WDFY3: variants seen among roughly 807,000 people sequenced by gnomAD.
The protein encoded by WDFY3 is WD repeat and FYVE domain-containing protein 3.
A neutral mutation model predicts 409.6 loss-of-function variants in WDFY3; 66 were observed. The observed-to-expected ratio is 0.16, with a 90% confidence interval of 0.13 to 0.20. WDFY3 has a LOEUF of 0.20. WDFY3 is among the 10% of genes least tolerant of loss of function. The probability of loss-of-function intolerance (pLI) is 1.00; values close to 1 mark genes in which losing one functional copy is unlikely to be tolerated. For synonymous variants in WDFY3, 1,521 were observed against 1,537.1 expected, an observed-to-expected ratio of 0.99 and a Z score of 0.25; for missense variants, 3,031 against 4,298.1, an observed-to-expected ratio of 0.71 and a Z score of 8.24.
At position 84,765,994 on chromosome 4, in the gene WDFY3, A is replaced by C. The variant is rs770790930; in HGVS notation, c.5004T>G (p.Phe1668Leu). Residue 1668 changes from phenylalanine (F) to leucine (L), a missense_variant, in exon 32 of 68, where the codon TTT becomes TTG. This residue lies in a region of WDFY3 where 342 missense variants were observed against 463.7 expected (regional missense o/e 0.74). Transcript: ENST00000295888. ...ACEELVKTLG[F>L]DWIMMFMEEH... Reference sequence around the variant, plus strand: ...CCTCCATAAACATCATGATCCAGTCAAAACCCAGTGTCTTCACCAGTTCTT... The same window carrying C: ...CCTCCATAAACATCATGATCCAGTCCAAACCCAGTGTCTTCACCAGTTCTT... 121 of 1,613,926 alleles carry C rather than the reference A, an allele frequency of 7.5e-5. No individual in the cohort carries two copies. The highest frequency in any genetic ancestry group is 9.7e-5 in the Non-Finnish European group (115 of 1,179,958).
intron 1 of WDFY3, chr4:84,965,682 G>C (rs986320084): frequency 1.1e-4 from 16 of 152,266 alleles, no homozygotes; most frequent in East Asian, 3.9e-4. Flanking sequence ...TAGGGCGTAG[G>C]GGGAGAGGCC....
At chr4:84,782,087 A>G (rs1462311735) in intron 25 of WDFY3, among the ~76,000 whole-genome samples, 1 of 152,222 alleles carries the variant, frequency 6.6e-6, no homozygotes, top group South Asian at 2.1e-4. Context: ...CAAAAAAACA[A>G]AAACAAAAAT....
chr4:84,712,086 G>A (rs1732999304), intron 51 of WDFY3, among the ~76,000 whole-genome samples: 1 of 151,808 alleles, frequency 6.6e-6, no homozygotes, highest in African/African-American at 2.4e-5. Flanking sequence ...CGCTTTGAGG[G>A]GCCAAGATGG....
chr4:84,875,412 T>C (rs1762649652), intron 3 of WDFY3, among the ~76,000 whole-genome samples: 1 of 152,096 alleles, frequency 6.6e-6, no homozygotes, highest in Non-Finnish European at 1.5e-5. Context: ...GGTGAGTCAG[T>C]GAGTGAGCAG....
intron 15 of WDFY3, 149 bp from the exon 16 acceptor site, chr4:84,803,616 G>C (rs1266113452): frequency 2.4e-6 from 2 of 832,708 alleles, no homozygotes; most frequent in Admixed American, 3.0e-5. Flanking sequence ...ATCAACTCGA[G>C]TTGATATGTG....
intron 3 of WDFY3, among the ~76,000 whole-genome samples, chr4:84,875,570 C>T (rs1762672695): frequency 6.6e-6 from 1 of 152,172 alleles, no homozygotes; most frequent in African/African-American, 2.4e-5. Context: ...ACTTTATGAA[C>T]TTTCAAACTT....
chr4:84,882,834 C>T (rs184999531), intron 3 of WDFY3, among the ~76,000 whole-genome samples: 230 of 152,102 alleles, frequency 1.5e-3, no homozygotes, highest in Admixed American at 3.5e-3. Flanking sequence ...TCACCTCAGC[C>T]TCCTGAGTAG....
In WDFY3 at chr4:84,772,933, T is replaced by A. The variant is rs1744917269; in HGVS notation, c.4755-4A>T. ...AGAAGAAATAAACTGCCCAAATCTT[T>A]AAACAAAGGAAAACAAGATTATGGA... On this transcript the variant is annotated splice_polypyrimidine_tract_variant and splice_region_variant and intron_variant, in intron 29 of 67. Coordinates refer to ENST00000295888, the MANE Select transcript of WDFY3 (RefSeq NM_014991.6). 1 of 1,587,790 alleles carries A rather than the reference T, an allele frequency of 6.3e-7. No individual in the cohort carries two copies. The highest frequency in any genetic ancestry group is 1.4e-5 in the African/African-American group (1 of 73,126).
At chr4:84,837,954 T>C (rs1292716310) in intron 6 of WDFY3, among the ~76,000 whole-genome samples, 1 of 152,192 alleles carries the variant, frequency 6.6e-6, no homozygotes, top group Non-Finnish European at 1.5e-5. Context: ...TAAGTAACTA[T>C]GACTTAATCT....
chr4:84,780,097 C>A lies in WDFY3; in HGVS notation c.4365+11G>T. The A allele has an allele frequency of 6.4e-7, 1 of 1,558,762 alleles. No homozygotes were observed. The highest frequency in any genetic ancestry group is 8.7e-7 in the Non-Finnish European group (1 of 1,153,226). On this transcript the variant is annotated intron_variant, in intron 26 of 67. Coordinates refer to ENST00000295888, the MANE Select transcript of WDFY3 (RefSeq NM_014991.6). The stretch of plus-strand genomic sequence containing the variant: ...CAGGTGAAGTGAAGGCAAAGTTTTA[C>A]AGTTACAAACCTGGTAGCCCTTGAT...
chr4:84,844,535 T>G (rs1435152101), intron 5 of WDFY3: 2 of 1,289,190 alleles, frequency 1.6e-6, no homozygotes, highest in Non-Finnish European at 2.0e-6. Flanking sequence ...GGCTGGGTTG[T>G]CTAAGTAGGG....
At chr4:84,810,414 T>C in intron 13 of WDFY3, 70 bp from the exon 14 acceptor site, 1 of 1,225,632 alleles carries the variant, frequency 8.2e-7, no homozygotes, top group Non-Finnish European at 1.1e-6. Flanking sequence ...CCACTATGCA[T>C]GTATATGGAG....
intron 1 of WDFY3, among the ~76,000 whole-genome samples, chr4:84,961,482 G>T (rs981450103): frequency 3.3e-5 from 5 of 151,554 alleles, no homozygotes; most frequent in African/African-American, 1.2e-4. Context: ...GTTTAAAATG[G>T]TTCATTTTTT....
At chr4:84,948,683 C>T (rs138984092) in intron 1 of WDFY3, among the ~76,000 whole-genome samples, 1,567 of 152,268 alleles carry the variant, frequency 0.01, 11 homozygotes, top group Non-Finnish European at 0.017. Flanking sequence ...CTACTCCTTC[C>T]CCTTCTGCTG....
At chr4:84,916,433 T>G (rs532567419) in intron 2 of WDFY3, among the ~76,000 whole-genome samples, 1 of 152,220 alleles carries the variant, frequency 6.6e-6, no homozygotes, top group Non-Finnish European at 1.5e-5. Context: ...AATCATTAGA[T>G]GAAGAATTCA....
In WDFY3 at chr4:84,702,434, T is replaced by A; in HGVS notation, c.8515A>T (p.Asn2839Tyr). Residue 2839 changes from asparagine to tyrosine, a missense_variant, in exon 56 of 68, where the codon AAT becomes TAT. This residue lies in a region of WDFY3 where 129 missense variants were observed against 305.3 expected (regional missense o/e 0.42). Transcript: ENST00000295888. ...ATAAGTTCTTTTACATCTGCCATATTGTGCTTTGACGCTGAATACCAGGCC... is the reference window on the plus strand; with the variant it reads ...ATAAGTTCTTTTACATCTGCCATATAGTGCTTTGACGCTGAATACCAGGCC... The part of the protein sequence containing the change: ...REAWYSASKH[N>Y]MADVKELIPE... 1 of 1,613,936 alleles carries A rather than the reference T, an allele frequency of 6.2e-7. No individual in the cohort carries two copies. Among genetic ancestry groups the A allele is most frequent in the Non-Finnish European group, 8.5e-7 (1 of 1,179,984 alleles).
intron 4 of WDFY3, among the ~76,000 whole-genome samples, chr4:84,850,926 C>CGTTTTTTTTTTTTTTTTTTTTTTTTTT (rs1758842454): frequency 3.1e-5 from 1 of 32,150 alleles, no homozygotes; most frequent in African/African-American, 1.2e-4. Flanking sequence ...TTTTATTTAT[C>CGTTTTTTTTTTTTTTTTTTTTTTTTTT]TGTTTTTTTT....
intron 2 of WDFY3, among the ~76,000 whole-genome samples, chr4:84,899,698 T>C (rs907145021): frequency 1.3e-5 from 2 of 152,074 alleles, no homozygotes; most frequent in Non-Finnish European, 2.9e-5. Flanking sequence ...AAATACTTCA[T>C]CCAGTCCTCT....
At chr4:84,931,930 CAA>C (rs1314356661) in intron 2 of WDFY3, among the ~76,000 whole-genome samples, 1 of 152,058 alleles carries the variant, frequency 6.6e-6, no homozygotes, top group Non-Finnish European at 1.5e-5. Flanking sequence ...GCTTTAAAAA[CAA>C]CTACATTTTT....
Sources: gnomAD v4.1 joint callset for allele counts (sites outside exome capture counted in the v4.1 genomes callset) on GRCh38, gnomAD v4.1.1 for gene constraint, gnomAD v4.1.1 regional missense constraint, MANE v1.5 for transcripts, NCBI Gene and HGNC (gene_info 2026-07-23, HGNC 2026-07-21) for gene names.